SNAP91: variants seen among roughly 807,000 people sequenced by gnomAD.
The protein encoded by SNAP91 is clathrin coat assembly protein AP180.
SNAP91 carries 27 observed loss-of-function variants against 100.3 expected under a neutral mutation model. The observed-to-expected ratio is 0.27, with a 90% CI of 0.20 to 0.37. SNAP91 has a LOEUF of 0.37. Among genes scored for constraint, SNAP91 ranks in the 10% least tolerant of loss-of-function variants. The probability of loss-of-function intolerance (pLI) is 1.00; values close to 1 mark genes in which losing one functional copy is unlikely to be tolerated. For synonymous variants in SNAP91, 404 were observed against 398.6 expected (o/e 1.01, Z -0.16); for missense variants, 986 against 1,123.7 (o/e 0.88, Z 1.75).
rs748649043 is a variant in SNAP91, at chr6:83,661,508, T to G, written c.446A>C (p.Lys149Thr). The change falls in exon 5 of 30, where the codon AAG (lysine) becomes ACG (threonine). Residue 149 changes from lysine (K) to threonine (T), a missense_variant. Lys to Thr is a moderately conservative substitution (Grantham distance 78, BLOSUM62 -1). Coordinates refer to ENST00000369694, the MANE Select transcript of SNAP91 (RefSeq NM_001242792.2). ...AAGAAAGACAAAAACATACCCTTTC[T>G]TCACCCTGGCAAAATCAAAGGCCAT... is the stretch of plus-strand genomic sequence containing the variant. ...RQMAFDFARV[K>T]KGADGVMRTM... 30 of 1,598,040 alleles carry G rather than the reference T, an allele frequency of 1.9e-5. No homozygotes were observed. Among genetic ancestry groups the G allele is most frequent in the Non-Finnish European group, 2.4e-5 (28 of 1,169,494 alleles).
intron 2 of SNAP91, among the ~76,000 whole-genome samples, chr6:83,701,496 G>C (rs747507637): frequency 2.0e-5 from 3 of 151,734 alleles, no homozygotes; most frequent in Non-Finnish European, 4.4e-5. Context: ...CCCAAGGCTG[G>C]AGTACAATGG....
At chr6:83,703,433 A>G (rs975791536) in intron 2 of SNAP91, among the ~76,000 whole-genome samples, 2 of 152,202 alleles carry the variant, frequency 1.3e-5, no homozygotes, top group Admixed American at 6.5e-5. Flanking sequence ...AATATATTTC[A>G]TATTTACTAA....
intron 14 of SNAP91, 142 bp from the exon 15 acceptor site, chr6:83,601,741 A>G: frequency 1.3e-6 from 1 of 763,456 alleles, no homozygotes; most frequent in Non-Finnish European, 2.2e-6. Context: ...TTGCAATTAA[A>G]AAATAAATGT....
At chr6:83,639,703 T>C (rs1464567508) in intron 8 of SNAP91, among the ~76,000 whole-genome samples, 2 of 152,114 alleles carry the variant, frequency 1.3e-5, no homozygotes, top group South Asian at 2.1e-4. Flanking sequence ...AGCCTTGTAA[T>C]GCTGATTAGA....
chr6:83,674,995 T>C (rs969410209), intron 2 of SNAP91, among the ~76,000 whole-genome samples: 10 of 152,132 alleles, frequency 6.6e-5, no homozygotes, highest in African/African-American at 2.2e-4. Flanking sequence ...GGCTCTCCAT[T>C]GTCAAATGAA....
chr6:83,590,550 T>TAA lies in SNAP91; in HGVS notation c.2014+659_2014+660dup, dbSNP rs60546667. On this transcript the variant is annotated intron_variant, in intron 22 of 29. Coordinates refer to ENST00000369694, the MANE Select transcript of SNAP91 (RefSeq NM_001242792.2). Reference sequence around the variant, plus strand: ...TCACATAGAAAAATGATCAGCTTGTTAAAAAAAAAAACAAAAAACAAAAAC... The same window carrying TAA: ...TCACATAGAAAAATGATCAGCTTGTTAAAAAAAAAAAAACAAAAAACAAAAAC... Among the ~76,000 whole-genome samples, 342 of 144,228 alleles carry TAA rather than the reference T, an allele frequency of 2.4e-3. 1 individual carries two copies. The highest frequency in any genetic ancestry group is 7.5e-3 in the African/African-American group (299 of 39,626). The allele number at this position is 144,228 out of a possible 152,430, so 94.6% of individuals were successfully genotyped here.
intron 8 of SNAP91, among the ~76,000 whole-genome samples, chr6:83,635,771 A>C (rs944496361): frequency 1.3e-5 from 2 of 152,128 alleles, no homozygotes; most frequent in African/African-American, 4.8e-5. Context: ...TGTAGGAATT[A>C]TGGACTATGT....
At chr6:83,604,488 T>C (rs2095488568) in intron 14 of SNAP91, among the ~76,000 whole-genome samples, 1 of 152,176 alleles carries the variant, frequency 6.6e-6, no homozygotes, top group African/African-American at 2.4e-5. Context: ...GTTATCTTTC[T>C]CTTATTTTTG....
At chr6:83,629,636 C>A (rs2128463930) in intron 8 of SNAP91, among the ~76,000 whole-genome samples, 1 of 152,142 alleles carries the variant, frequency 6.6e-6, no homozygotes, top group Non-Finnish European at 1.5e-5. Flanking sequence ...GGGTTGAGAT[C>A]TTGATTTGAT....
intron 26 of SNAP91, among the ~76,000 whole-genome samples, chr6:83,571,396 C>A (rs1807437257): frequency 6.6e-6 from 1 of 152,108 alleles, no homozygotes. Flanking sequence ...AGCCACCATG[C>A]CTGGCCCGGG....
chr6:83,675,168 C>T (rs895663102), intron 2 of SNAP91, among the ~76,000 whole-genome samples: 3 of 152,014 alleles, frequency 2.0e-5, no homozygotes, highest in African/African-American at 7.2e-5. Flanking sequence ...GAATAGACAC[C>T]CTCTAAGCTT....
chr6:83,634,841 T>C (rs936599131), intron 8 of SNAP91, among the ~76,000 whole-genome samples: 7 of 152,210 alleles, frequency 4.6e-5, no homozygotes, highest in Admixed American at 4.6e-4. Flanking sequence ...GTATGTTGTG[T>C]CTGTTTTCAT....
intron 7 of SNAP91, among the ~76,000 whole-genome samples, chr6:83,644,291 G>C (rs1282880150): frequency 6.6e-6 from 1 of 151,918 alleles, no homozygotes; most frequent in East Asian, 1.9e-4. Flanking sequence ...AAAAGCACTC[G>C]ATCATTGTGG....
At position 83,609,258 on chromosome 6, in the gene SNAP91, GA is replaced by G. The variant is rs974575536; in HGVS notation, c.912+1391del. 5.3e-3 allele frequency among the ~76,000 whole-genome samples: 761 copies of G among 144,414 alleles called. 4 individuals are homozygous for G. The highest frequency in any genetic ancestry group is 0.016 in the African/African-American group (617 of 39,518). The allele number at this position is 144,414 out of a possible 152,430, so 94.7% of individuals were successfully genotyped here. A position where few individuals can be genotyped will look rare whatever the true frequency, so the allele number is the denominator to read the frequency against. ...AGTAAAATTCAATTTGGCCGAAAAA[GA>G]AAAAAAAAAATTCAATTTGGCCAAA... is the stretch of plus-strand genomic sequence containing the variant. On this transcript the variant is annotated intron_variant, in intron 12 of 29. Coordinates refer to ENST00000369694, the MANE Select transcript of SNAP91 (RefSeq NM_001242792.2).
chr6:83,556,649 G>T (rs1043647600), intron 28 of SNAP91, among the ~76,000 whole-genome samples: 2 of 152,114 alleles, frequency 1.3e-5, no homozygotes, highest in African/African-American at 2.4e-5. Context: ...GTAACATAAA[G>T]ATATTATGAA....
chr6:83,678,690 A>G (rs1440482848), intron 2 of SNAP91: 7 of 1,166,584 alleles, frequency 6.0e-6, no homozygotes, highest in Non-Finnish European at 8.0e-6. Context: ...CTAACCTTCT[A>G]CCTTCCACTC....
chr6:83,607,683 A>G lies in SNAP91; in HGVS notation c.1022+16T>C. ...AAAATATTAATAAACAGTTAACTGC[A>G]TATTTATTTACCAACCTGACTGGGA... On this transcript the variant is annotated intron_variant, in intron 13 of 29. Transcript: ENST00000369694. 1.4e-6 allele frequency: 2 copies of G among 1,448,392 alleles called. No individual in the cohort carries two copies. Among genetic ancestry groups the G allele is most frequent in the Non-Finnish European group, 9.5e-7 (1 of 1,053,746 alleles). 89.7% of individuals were successfully genotyped at this position (1,448,392 alleles called of 1,614,324 possible). A position where few individuals can be genotyped will look rare whatever the true frequency, so the allele number is the denominator to read the frequency against.
chr6:83,645,169 A>G (rs1338124609), intron 7 of SNAP91, among the ~76,000 whole-genome samples: 1 of 152,180 alleles, frequency 6.6e-6, no homozygotes, highest in Non-Finnish European at 1.5e-5. Context: ...AACACTGCTT[A>G]AAGTACTTTT....
chr6:83,646,405 G>T (rs963816256), intron 7 of SNAP91, among the ~76,000 whole-genome samples: 1 of 152,156 alleles, frequency 6.6e-6, no homozygotes, highest in African/African-American at 2.4e-5. Flanking sequence ...TTTGTAAAGG[G>T]TATAAGGTCT....
Sources: gnomAD v4.1 joint callset for allele counts (sites outside exome capture counted in the v4.1 genomes callset) on GRCh38, gnomAD v4.1.1 for gene constraint, MANE v1.5 for transcripts, NCBI Gene and HGNC (gene_info 2026-07-23, HGNC 2026-07-21) for gene names.